The following C5orf63 variants were observed in gnomAD, a reference collection of about 807,000 sequenced individuals.
C5orf63 encodes the protein glutaredoxin-like protein C5orf63.
Under a neutral mutation model 13.3 loss-of-function variants are expected in C5orf63, and 18 were observed. That is an observed-to-expected ratio of 1.36 (90% CI 0.94 to 2.01). The LOEUF is 2.01. Among genes scored for constraint, C5orf63 ranks in the 30% most tolerant of loss-of-function variants. The pLI is 0.00. For missense variants in C5orf63, 118 were observed against 127.7 expected, an observed-to-expected ratio of 0.92 and a Z score of 0.36; for synonymous variants, 38 against 44.7, an observed-to-expected ratio of 0.85 and a Z score of 0.60.
chr5:127,069,581 C>T (rs1754457831), intron 2 of C5orf63, among the ~76,000 whole-genome samples: 1 of 152,154 alleles, frequency 6.6e-6, no homozygotes, highest in African/African-American at 2.4e-5. Flanking sequence ...CATTGCTTGC[C>T]ATTTTGTAGC....
intron 2 of C5orf63, among the ~76,000 whole-genome samples, chr5:127,069,908 C>T (rs1389868808): frequency 6.6e-6 from 1 of 152,078 alleles, no homozygotes; most frequent in African/African-American, 2.4e-5. Context: ...TAGTTCATTT[C>T]TCTGTATTTT....
At chr5:127,053,939 T>C (rs1484618753) in intron 3 of C5orf63, among the ~76,000 whole-genome samples, 1 of 151,982 alleles carries the variant, frequency 6.6e-6, no homozygotes, top group Non-Finnish European at 1.5e-5. Flanking sequence ...AATCCTTTGA[T>C]TTATAATTGG....
chr5:127,047,884 G>T (rs897944746), downstream of C5orf63: 3 of 702,638 alleles, frequency 4.3e-6, no homozygotes, highest in Admixed American at 4.0e-5. Context: ...TCTTCTCCTT[G>T]TTCCTGGCAG....
At chr5:127,049,537 C>T (rs1178069261), downstream of C5orf63, among the ~76,000 whole-genome samples, 1 of 152,202 alleles carries the variant, frequency 6.6e-6, no homozygotes, top group East Asian at 1.9e-4. Context: ...CCTCATTGCA[C>T]TATGCTGTGC....
At chr5:127,064,247 G>A (rs1754233367) in intron 2 of C5orf63, among the ~76,000 whole-genome samples, 1 of 152,188 alleles carries the variant, frequency 6.6e-6, no homozygotes, top group African/African-American at 2.4e-5. Context: ...ATTCCAAGGG[G>A]CTACACAGAG....
chr5:127,070,605 A>G (rs774547251), intron 2 of C5orf63, among the ~76,000 whole-genome samples: 3 of 152,222 alleles, frequency 2.0e-5, no homozygotes, highest in African/African-American at 4.8e-5. Flanking sequence ...CCTAGACTTA[A>G]AATAGTGACC....
At chr5:127,069,654 A>T (rs891534609) in intron 2 of C5orf63, among the ~76,000 whole-genome samples, 1 of 152,162 alleles carries the variant, frequency 6.6e-6, no homozygotes, top group African/African-American at 2.4e-5. Flanking sequence ...TAACAGTAAG[A>T]CCCAGGCCTG....
chr5:127,059,146 A>T (rs1754002406), intron 2 of C5orf63, 144 bp from the exon 3 acceptor site: 2 of 631,014 alleles, frequency 3.2e-6, no homozygotes, highest in Admixed American at 5.9e-5. Context: ...AAGACCTATA[A>T]ATTTGGCAAG....
At chr5:127,048,979 G>A (rs1753592239), downstream of C5orf63, among the ~76,000 whole-genome samples, 1 of 152,196 alleles carries the variant, frequency 6.6e-6, no homozygotes, top group Non-Finnish European at 1.5e-5. Flanking sequence ...GGAGAAGGCA[G>A]GAATGAACAC....
chr5:127,070,229 T>C (rs1301631288), intron 2 of C5orf63, among the ~76,000 whole-genome samples: 2 of 152,220 alleles, frequency 1.3e-5, no homozygotes, highest in African/African-American at 2.4e-5. Context: ...CTGAATTTAC[T>C]GAGTTTTCTA....
intron 3 of C5orf63, among the ~76,000 whole-genome samples, chr5:127,057,973 A>G (rs1561490050): frequency 1.3e-5 from 2 of 152,218 alleles, no homozygotes; most frequent in African/African-American, 4.8e-5. Context: ...GTTATACACA[A>G]GTGCTATTGG....
chr5:127,065,475 G>T (rs1175950137), intron 2 of C5orf63, among the ~76,000 whole-genome samples: 1 of 152,160 alleles, frequency 6.6e-6, no homozygotes, highest in Non-Finnish European at 1.5e-5. Context: ...AAAAGGGAAA[G>T]CTTTCCAAAT....
chr5:127,058,941 A>G lies in C5orf63; in HGVS notation c.55T>C (p.Phe19Leu). Residue 19 changes from phenylalanine to leucine, a missense_variant, in exon 3 of 5, where the codon TTC (phenylalanine) becomes CTC (leucine). Phe to Leu is a conservative substitution (Grantham distance 22). Transcript: ENST00000296662. ...TTAGAGGCAGAGCAATTTCTCAAGA[A>G]GAGTCCAAAGGAGGATCTGGCAAGT... ...MQLARSSFGL[F>L]LRNCSASKTT... 1 of 1,537,300 alleles carries G rather than the reference A, an allele frequency of 6.5e-7. No homozygotes were observed. Among genetic ancestry groups the G allele is most frequent in the Non-Finnish European group, 8.7e-7 (1 of 1,146,828 alleles).
intron 3 of C5orf63, among the ~76,000 whole-genome samples, chr5:127,054,076 A>T (rs1040137127): frequency 1.3e-5 from 2 of 152,308 alleles, no homozygotes; most frequent in East Asian, 1.9e-4. Context: ...AAAGCAAAAA[A>T]ACCCAAGAAC....
chr5:127,045,167 A>G, downstream of C5orf63: 1 of 152,212 alleles, frequency 6.6e-6, no homozygotes. Context: ...TCAAGGAAAC[A>G]TTTGTATTCA....
At position 127,051,921 on chromosome 5, in the gene C5orf63, T is replaced by A; in HGVS notation, c.198A>T (p.Thr66=). Residue 66 remains threonine, a synonymous_variant, in exon 5 of 5, where the codon ACA becomes ACT. Transcript: ENST00000296662. The part of the protein sequence containing the change: ...NRFILQEVNI[T]LPENSVWYER... ...CATACCAGACAGAGTTTTCTGGAAG[T>A]GTGATGTTCACCTCCTGTAAAATGA... is the stretch of plus-strand genomic sequence containing the variant. The A allele has an allele frequency of 6.6e-7, 1 of 1,520,506 alleles. No homozygotes were observed. The highest frequency in any genetic ancestry group is 2.5e-5 in the East Asian group (1 of 40,672). The allele number at this position is 1,520,506 out of a possible 1,614,324, so 94.2% of individuals were successfully genotyped here.
intron 2 of C5orf63, among the ~76,000 whole-genome samples, chr5:127,061,039 C>T (rs1437849651): frequency 6.6e-6 from 1 of 152,166 alleles, no homozygotes; most frequent in Non-Finnish European, 1.5e-5. Context: ...TTCTCACCTT[C>T]TTTAATCTCA....
At position 127,058,677 on chromosome 5, in the gene C5orf63, C is replaced by A. The variant is rs1753980865; in HGVS notation, c.114+205G>T. 5.6e-6 allele frequency: 3 copies of A among 532,836 alleles called. No individual in the cohort carries two copies. The Admixed American group carries it at 1.0e-4, about 18-fold the overall frequency. The allele number at this position is 532,836 out of a possible 1,614,324, so 33.0% of individuals were successfully genotyped here. ...TTTTTCAATGTAGGGGCCAGATGAC[C>A]ATTAAATACATCAATTTACTCTTTG... On this transcript the variant is annotated intron_variant, in intron 3 of 4. Transcript: ENST00000296662.
intron 1 of C5orf63, chr5:127,072,974 G>A (rs1260420534): frequency 6.6e-6 from 1 of 152,168 alleles, no homozygotes; most frequent in Non-Finnish European, 1.5e-5. Flanking sequence ...CACTCACAAT[G>A]TTCCCTGCTG....
Sources: allele counts gnomAD v4.1 joint callset (sites outside exome capture counted in the v4.1 genomes callset), GRCh38; gene constraint gnomAD v4.1.1; transcripts MANE v1.5; gene names NCBI Gene and HGNC (gene_info 2026-07-23, HGNC 2026-07-21).